DAB1: variants seen among roughly 807,000 people sequenced by gnomAD.
The protein encoded by DAB1 is DAB adaptor protein 1.
In DAB1, 15 loss-of-function variants were observed where a neutral mutation model predicts 64.6. The observed-to-expected ratio is 0.23, with a 90% CI of 0.16 to 0.36. DAB1 has a LOEUF of 0.36. DAB1 is among the 10% of genes least tolerant of loss of function. The pLI, the probability that DAB1 is intolerant of heterozygous loss-of-function variation, is 1.00. For missense variants in DAB1, 596 were observed against 706.7 expected (o/e 0.84, Z 1.78); for synonymous variants, 235 against 251.9 (o/e 0.93, Z 0.64).
chr1:58,486,517 G>T (rs1419212626), intron 3 of DAB1, among the ~76,000 whole-genome samples: 2 of 151,998 alleles, frequency 1.3e-5, no homozygotes, highest in East Asian at 3.9e-4. Context: ...TGCTTATCCT[G>T]CCTATTATTA....
At chr1:57,913,690 A>G (rs1644682658) in intron 5 of DAB1, among the ~76,000 whole-genome samples, 1 of 152,168 alleles carries the variant, frequency 6.6e-6, no homozygotes, top group Non-Finnish European at 1.5e-5. Flanking sequence ...TTTGCAATCT[A>G]CTCATCTGAC....
intron 9 of DAB1, among the ~76,000 whole-genome samples, chr1:57,057,639 G>A (rs1053274088): frequency 8.3e-5 from 12 of 144,372 alleles, no homozygotes; most frequent in South Asian, 2.1e-4. Context: ...ACAGAGTCTC[G>A]TTCTGTTGCC....
intron 3 of DAB1, among the ~76,000 whole-genome samples, chr1:58,427,064 C>G (rs1388947421): frequency 6.6e-6 from 1 of 152,112 alleles, no homozygotes; most frequent in Non-Finnish European, 1.5e-5. Context: ...GGTCAAGAAG[C>G]TAGAGGGAGA....
chr1:57,383,012 G>C (rs1681507548), intron 1 of DAB1, among the ~76,000 whole-genome samples: 1 of 152,028 alleles, frequency 6.6e-6, no homozygotes, highest in Non-Finnish European at 1.5e-5. Context: ...CAAGTATACA[G>C]AAAGTTAGAA....
chr1:58,252,128 C>A (rs1660816580), intron 4 of DAB1, among the ~76,000 whole-genome samples: 1 of 152,182 alleles, frequency 6.6e-6, no homozygotes, highest in Admixed American at 6.5e-5. Context: ...ACCTAAGGTG[C>A]TAAATGACCA....
intron 4 of DAB1, among the ~76,000 whole-genome samples, chr1:58,220,358 C>T (rs1326053014): frequency 6.6e-6 from 1 of 152,108 alleles, no homozygotes; most frequent in Non-Finnish European, 1.5e-5. Flanking sequence ...GAAGAAAGCG[C>T]CCCAGGTGTT....
At chr1:58,265,289 C>A (rs1661134824) in intron 4 of DAB1, among the ~76,000 whole-genome samples, 1 of 152,196 alleles carries the variant, frequency 6.6e-6, no homozygotes, top group African/African-American at 2.4e-5. Context: ...CCAGATTGGT[C>A]TAAAGGCAAA....
intron 1 of DAB1, among the ~76,000 whole-genome samples, chr1:57,860,119 G>A (rs1259169260): frequency 6.6e-6 from 1 of 152,158 alleles, no homozygotes; most frequent in East Asian, 1.9e-4. Context: ...TACAGGATAT[G>A]GGTAACTGGA....
intron 5 of DAB1, among the ~76,000 whole-genome samples, chr1:57,903,712 C>T (rs1407855077): frequency 6.6e-6 from 1 of 152,212 alleles, no homozygotes; most frequent in East Asian, 1.9e-4. Flanking sequence ...TCCCTCACTA[C>T]TGAGTCCCCA....
chr1:57,708,330 C>T (rs2101741305), intron 6 of DAB1, among the ~76,000 whole-genome samples: 1 of 152,242 alleles, frequency 6.6e-6, no homozygotes, highest in Admixed American at 6.5e-5. Context: ...TGGGCTAGTA[C>T]CCAAGTTGTA....
upstream of DAB1, among the ~76,000 whole-genome samples, chr1:57,886,163 C>CT (rs36101963): frequency 0.041 from 5,269 of 129,454 alleles, 173 homozygotes; most frequent in African/African-American, 0.076. Context: ...GCCTACTATT[C>CT]TTTTTTTTTT....
intron 5 of DAB1, among the ~76,000 whole-genome samples, chr1:58,133,173 C>T (rs148897624): frequency 3.9e-5 from 6 of 152,296 alleles, no homozygotes; most frequent in African/African-American, 7.2e-5. Context: ...GGTTGCACAA[C>T]GACTTTTTTA....
At chr1:57,762,798 T>C (rs910231344) in intron 6 of DAB1, among the ~76,000 whole-genome samples, 1 of 152,200 alleles carries the variant, frequency 6.6e-6, no homozygotes, top group East Asian at 1.9e-4. Context: ...AGAGCCTGGA[T>C]CGCCCTGAGA....
intron 2 of DAB1, among the ~76,000 whole-genome samples, chr1:57,287,771 C>T (rs1450989300): frequency 2.2e-5 from 2 of 89,684 alleles, no homozygotes; most frequent in African/African-American, 9.9e-5. Flanking sequence ...AGCACGTTTT[C>T]TCTCTCTTTT....
Position 58,079,720 on chromosome 1 carries a change from T to C in DAB1, n.387+70791A>G, listed in dbSNP as rs557714283. On this transcript the variant is annotated intron_variant and non_coding_transcript_variant, in intron 5 of 20. Transcript: ENST00000485760. Reference sequence around the variant, plus strand: ...ATTTTTAGTAGAGACAGGGTTTCACTATCTTGGCCACGTTGACCTTGAACT... The same window carrying C: ...ATTTTTAGTAGAGACAGGGTTTCACCATCTTGGCCACGTTGACCTTGAACT... Among the ~76,000 whole-genome samples, 38 of 151,810 alleles carry C rather than the reference T, an allele frequency of 2.5e-4. No individual in the cohort carries two copies. In the Middle Eastern group the frequency reaches 0.01, roughly 41 times the overall value.
chr1:57,143,948 G>A (rs889397250), intron 3 of DAB1, among the ~76,000 whole-genome samples: 1 of 151,032 alleles, frequency 6.6e-6, no homozygotes, highest in Non-Finnish European at 1.5e-5. Context: ...TTATGTATAT[G>A]TATATATGCT....
At chr1:57,127,140 T>C (rs1009161419) in intron 4 of DAB1, among the ~76,000 whole-genome samples, 15 of 152,216 alleles carry the variant, frequency 9.9e-5, no homozygotes, top group African/African-American at 1.7e-4. Context: ...CACGGCACAG[T>C]CATGGAAAAT....
chr1:57,125,041 T>C (rs981658294), intron 4 of DAB1, among the ~76,000 whole-genome samples: 3 of 151,776 alleles, frequency 2.0e-5, no homozygotes, highest in African/African-American at 7.3e-5. Context: ...AATGAGTCAG[T>C]GTGCATAATT....
At chr1:58,508,653 C>A (rs1389671014) in intron 2 of DAB1, among the ~76,000 whole-genome samples, 2 of 152,052 alleles carry the variant, frequency 1.3e-5, no homozygotes, top group African/African-American at 2.4e-5. Flanking sequence ...AAGAGCTGCC[C>A]TAGGAACTGG....
Sources: gnomAD v4.1 joint callset for allele counts (sites outside exome capture counted in the v4.1 genomes callset) on GRCh38, gnomAD v4.1.1 for gene constraint, MANE v1.5 for transcripts, NCBI Gene and HGNC (gene_info 2026-07-23, HGNC 2026-07-21) for gene names.